The following PHC3 variants were observed in gnomAD, a reference collection of about 807,000 sequenced individuals.
The protein encoded by PHC3 is polyhomeotic-like protein 3.
Under a neutral mutation model 107.4 loss-of-function variants are expected in PHC3, and 13 were observed. The observed-to-expected ratio is 0.12, with a 90% CI of 0.08 to 0.19. PHC3 has a LOEUF of 0.19. PHC3 is among the 10% of genes least tolerant of loss of function. The pLI is 1.00. For synonymous variants in PHC3, 456 were observed against 427.4 expected (o/e 1.07, Z -0.83); for missense variants, 992 against 1,210.9 (o/e 0.82, Z 2.68).
At chr3:170,152,513 A>C (rs1050992638) in intron 4 of PHC3, among the ~76,000 whole-genome samples, 4 of 151,422 alleles carry the variant, frequency 2.6e-5, no homozygotes, top group Admixed American at 2.6e-4. Context: ...CCTATTCCTA[A>C]CACATCACTG....
intron 9 of PHC3, among the ~76,000 whole-genome samples, chr3:170,121,536 A>G (rs1203462497): frequency 6.6e-6 from 1 of 152,130 alleles, no homozygotes; most frequent in African/African-American, 2.4e-5. Flanking sequence ...AAGCACAAGA[A>G]CTTTTTTTTA....
intron 4 of PHC3, among the ~76,000 whole-genome samples, chr3:170,159,123 C>T (rs550307931): frequency 5.9e-5 from 9 of 151,298 alleles, no homozygotes; most frequent in Non-Finnish European, 1.3e-4. Context: ...TGGTGGCAGG[C>T]GCCTGCAGTC....
At chr3:170,175,573 G>A (rs1730295965) in intron 2 of PHC3, among the ~76,000 whole-genome samples, 1 of 149,228 alleles carries the variant, frequency 6.7e-6, no homozygotes, top group South Asian at 2.2e-4. Flanking sequence ...GGGGTCGTGA[G>A]TTGTGATCAT....
At chr3:170,171,555 T>C in intron 3 of PHC3, 105 bp from the exon 4 acceptor site, 2 of 735,510 alleles carry the variant, frequency 2.7e-6, no homozygotes, top group South Asian at 1.9e-5. Context: ...AAAAGGCCTA[T>C]GTATGAAACA....
Position 170,089,556 on chromosome 3 carries a change from A to G in PHC3, c.*7674T>C, listed in dbSNP as rs1303094151. On this transcript the variant is annotated 3_prime_UTR_variant, in exon 15 of 15. Transcript: ENST00000495893. ...ATTTTGTGTAATCTTTCTTAATTTAAAAACAAAAAATAAATGAACAAGTCA... is the reference window on the plus strand; with the variant it reads ...ATTTTGTGTAATCTTTCTTAATTTAGAAACAAAAAATAAATGAACAAGTCA... The G allele has an allele frequency of 6.6e-6, 1 of 152,236 alleles. No homozygotes were observed. The highest frequency in any genetic ancestry group is 1.5e-5 in the Non-Finnish European group (1 of 68,042). The allele number at this position is 152,236 out of a possible 1,614,324, so 9.4% of individuals were successfully genotyped here. A position where few individuals can be genotyped will look rare whatever the true frequency, so the allele number is the denominator to read the frequency against.
chr3:170,098,088 A>G (rs541953926), intron 14 of PHC3, among the ~76,000 whole-genome samples: 2 of 152,286 alleles, frequency 1.3e-5, no homozygotes, highest in South Asian at 4.1e-4. Flanking sequence ...ATTTCCTGCC[A>G]TATAACCAAT....
Position 170,113,446 on chromosome 3 carries a change from G to A in PHC3, c.2267C>T (p.Ser756Leu). The A allele has an allele frequency of 1.2e-6, 2 of 1,612,146 alleles. No homozygotes were observed. Among genetic ancestry groups the A allele is most frequent in the Non-Finnish European group, 1.7e-6 (2 of 1,179,020 alleles). ...RPLLDNQVIN[S>L]VCVQPELQNN... is the part of the protein sequence containing the mutation. ...CTGTAGCTCTGGCTGAACACACACT[G>A]AATTTATCACCTGATTATCCAAAAG... Residue 756 changes from serine (S) to leucine (L), a missense_variant, in exon 11 of 15, where the codon TCA becomes TTA. Around this residue, in one of 6 missense-constraint regions of PHC3, gnomAD observed 228 missense variants for 288.8 expected, o/e 0.79. Transcript: ENST00000495893.
At chr3:170,108,495 A>G (rs893848817) in intron 11 of PHC3, among the ~76,000 whole-genome samples, 1 of 152,200 alleles carries the variant, frequency 6.6e-6, no homozygotes, top group African/African-American at 2.4e-5. Flanking sequence ...CAGTTTAAGG[A>G]AATTCTCAGG....
At chr3:170,111,317 G>T (rs56197925) in intron 11 of PHC3, among the ~76,000 whole-genome samples, 1 of 107,426 alleles carries the variant, frequency 9.3e-6, no homozygotes, top group South Asian at 3.1e-4. Context: ...AAGGAAGGAA[G>T]GAACGAACGA....
In PHC3 at chr3:170,145,254, GAAC is replaced by G. The variant is rs535697933; in HGVS notation, c.672+166_672+168del. 7.2e-5 allele frequency among the ~76,000 whole-genome samples: 11 copies of G among 152,234 alleles called. 1 individual carries two copies. The highest frequency in any genetic ancestry group is 6.2e-4 in the South Asian group (3 of 4,828). ...GTTTAATGGTATTATAATTTTTATA[GAAC>G]AAAAAACATTTTCTTGAAGTTCTCA... On this transcript the variant is annotated intron_variant, in intron 6 of 14. Coordinates refer to ENST00000495893, the MANE Select transcript of PHC3 (RefSeq NM_024947.4).
At chr3:170,134,833 T>C (rs1046892118) in intron 7 of PHC3, among the ~76,000 whole-genome samples, 1 of 152,160 alleles carries the variant, frequency 6.6e-6, no homozygotes, top group African/African-American at 2.4e-5. Context: ...GCTTACTATC[T>C]AGCAGACAAG....
At chr3:170,106,035 A>T (rs1162756046) in intron 12 of PHC3, among the ~76,000 whole-genome samples, 1 of 152,154 alleles carries the variant, frequency 6.6e-6, no homozygotes, top group Non-Finnish European at 1.5e-5. Context: ...AACATGGTGA[A>T]ACCCCATCTC....
Position 170,136,525 on chromosome 3 carries a change from T to C in PHC3, c.813A>G (p.Gln271=), listed in dbSNP as rs1217966458. Reference sequence around the variant, plus strand: ...TATTACTTTCTGGAGAAGGATCTCGTTGGCTGATTTTAGAACTGGTCACTG... The same window carrying C: ...TATTACTTTCTGGAGAAGGATCTCGCTGGCTGATTTTAGAACTGGTCACTG... ...KTTVTSSKIS[Q]RDPSPESNKK... Residue 271 remains glutamine, a synonymous_variant, in exon 7 of 15, where the codon CAA becomes CAG. Coordinates refer to ENST00000495893, the MANE Select transcript of PHC3 (RefSeq NM_024947.4). The C allele has an allele frequency of 4.3e-6, 7 of 1,609,856 alleles. No individual in the cohort carries two copies. Among genetic ancestry groups the C allele is most frequent in the Non-Finnish European group, 5.9e-6 (7 of 1,178,514 alleles).
intron 14 of PHC3, among the ~76,000 whole-genome samples, chr3:170,099,943 G>C (rs1413567656): frequency 6.6e-6 from 1 of 152,130 alleles, no homozygotes; most frequent in African/African-American, 2.4e-5. Context: ...CCATAGCAAG[G>C]AAAGGTTAAA....
intron 5 of PHC3, among the ~76,000 whole-genome samples, chr3:170,146,522 T>C (rs935065320): frequency 2.0e-5 from 3 of 148,248 alleles, no homozygotes; most frequent in East Asian, 4.0e-4. Flanking sequence ...TCCTTTTTTT[T>C]CCTTTTCTTT....
chr3:170,127,171 T>C (rs1721454269), intron 8 of PHC3, among the ~76,000 whole-genome samples: 1 of 152,138 alleles, frequency 6.6e-6, no homozygotes, highest in Admixed American at 6.5e-5. Flanking sequence ...ATGATAAACT[T>C]TTTAAAAATT....
intron 8 of PHC3, among the ~76,000 whole-genome samples, chr3:170,125,218 G>C (rs1721053324): frequency 6.6e-6 from 1 of 152,046 alleles, no homozygotes; most frequent in Non-Finnish European, 1.5e-5. Context: ...AATTATACTA[G>C]ATCGGTTCAT....
At chr3:170,169,058 A>G (rs1170678177) in intron 4 of PHC3, among the ~76,000 whole-genome samples, 1 of 151,970 alleles carries the variant, frequency 6.6e-6, no homozygotes, top group African/African-American at 2.4e-5. Context: ...TTTGAATGTC[A>G]TGTTGGTGTG....
rs777928814 is a variant in PHC3, at chr3:170,178,926, A to G, written c.27T>C (p.His9=). The change falls in exon 2 of 15, where the codon CAT becomes CAC. Residue 9 remains histidine, a synonymous_variant. Transcript: ENST00000495893. MAEAEFKD[H]STAMDTEPNP... is the part of the protein sequence containing the mutation. ...TTGGTTCAGTATCCATAGCTGTACT[A>G]TGGTCCTTAAATCTGGCAGGTCACA... 6.2e-7 allele frequency: 1 copy of G among 1,612,638 alleles called. No homozygotes were observed. The highest frequency in any genetic ancestry group is 8.5e-7 in the Non-Finnish European group (1 of 1,179,066).
Sources: allele counts gnomAD v4.1 joint callset (sites outside exome capture counted in the v4.1 genomes callset), GRCh38; gene constraint gnomAD v4.1.1; regional missense constraint gnomAD v4.1.1; transcripts MANE v1.5; gene names NCBI Gene and HGNC (gene_info 2026-07-23, HGNC 2026-07-21).